The following PRKCA variants were observed in gnomAD, a reference collection of about 807,000 sequenced individuals.
PRKCA encodes protein kinase C alpha type.
Under a neutral mutation model 87.0 loss-of-function variants are expected in PRKCA, and 27 were observed. That is an observed-to-expected ratio of 0.31 (90% CI 0.23 to 0.43). The LOEUF (loss-of-function observed/expected upper bound fraction) is 0.43. Among genes scored for constraint, PRKCA ranks in the 20% least tolerant of loss-of-function variants. The pLI, the probability that PRKCA is intolerant of heterozygous loss-of-function variation, is 1.00. For synonymous variants in PRKCA, 329 were observed against 311.1 expected (o/e 1.06, Z -0.61); for missense variants, 518 against 852.3 (o/e 0.61, Z 4.88).
At position 66,638,250 on chromosome 17, in the gene PRKCA, C is replaced by G. The variant is rs761713607; in HGVS notation, c.289-3105C>G. ...AAAAGCTCTTGTGATGGGAATCCAA[C>G]GTTGGTCACATCGTAGGTCTGTGCT... On this transcript the variant is annotated intron_variant, in intron 3 of 16. Coordinates refer to ENST00000413366, the MANE Select transcript of PRKCA (RefSeq NM_002737.3). 31 of 151,756 alleles carry G rather than the reference C, an allele frequency of 2.0e-4. 1 individual carries two copies. Among genetic ancestry groups the G allele is most frequent in the Non-Finnish European group, 2.1e-4 (14 of 67,946 alleles). 9.4% of individuals were successfully genotyped at this position (151,756 alleles called of 1,614,324 possible).
At chr17:66,652,608 C>T (rs910614502) in intron 5 of PRKCA, among the ~76,000 whole-genome samples, 2 of 152,066 alleles carry the variant, frequency 1.3e-5, no homozygotes, top group African/African-American at 4.8e-5. Flanking sequence ...TGTGTGCAGG[C>T]AAGAGCACCT....
intron 2 of PRKCA, among the ~76,000 whole-genome samples, chr17:66,411,999 ATCTT>A: frequency 7.1e-6 from 1 of 140,900 alleles, no homozygotes; most frequent in Non-Finnish European, 1.5e-5. Flanking sequence ...AGGAAAAAAA[ATCTT>A]TTTTTTTTTT....
chr17:66,369,459 C>T (rs1041133459), intron 2 of PRKCA, among the ~76,000 whole-genome samples: 3 of 152,150 alleles, frequency 2.0e-5, no homozygotes, highest in Non-Finnish European at 4.4e-5. Flanking sequence ...TCTTCCTGTC[C>T]TCTTATTAAA....
At chr17:66,451,235 C>T (rs1914294061) in intron 2 of PRKCA, among the ~76,000 whole-genome samples, 1 of 152,168 alleles carries the variant, frequency 6.6e-6, no homozygotes, top group Admixed American at 6.6e-5. Context: ...CCTCTTAAAA[C>T]TTAAACTGTG....
chr17:66,395,406 G>C (rs1910606560), intron 2 of PRKCA, among the ~76,000 whole-genome samples: 1 of 152,106 alleles, frequency 6.6e-6, no homozygotes, highest in Admixed American at 6.5e-5. Flanking sequence ...AAATAATTGA[G>C]ATATTTTGCA....
chr17:66,781,886 T>TATATATATATAG (rs1975233272), intron 14 of PRKCA, among the ~76,000 whole-genome samples: 1 of 121,794 alleles, frequency 8.2e-6, no homozygotes, highest in African/African-American at 3.6e-5. Context: ...TATATATATA[T>TATATATATATAG]AGTGTGTGTG....
intron 2 of PRKCA, among the ~76,000 whole-genome samples, chr17:66,352,717 C>A (rs1483893537): frequency 6.6e-6 from 1 of 151,806 alleles, no homozygotes; most frequent in Admixed American, 6.6e-5. Context: ...GTGCGTGCCA[C>A]CACACTCAGC....
intron 16 of PRKCA, among the ~76,000 whole-genome samples, chr17:66,795,779 C>G (rs775468762): frequency 1.3e-5 from 2 of 152,168 alleles, no homozygotes; most frequent in Non-Finnish European, 2.9e-5. Context: ...AGCTTTAAAT[C>G]CTCTAAATCT....
chr17:66,321,677 G>T (rs968785491), intron 2 of PRKCA, among the ~76,000 whole-genome samples: 29 of 152,120 alleles, frequency 1.9e-4, no homozygotes, highest in Admixed American at 1.9e-3. Context: ...CCAAGTAGCT[G>T]GGATTACAGG....
rs182650587 is a variant in PRKCA, at chr17:66,764,075, A to T, written c.1525-9912A>T. ...GCCAAAGCCGATGACCAGGGTTCTA[A>T]TCCAAGCGTTGCTGCTTGCAAGCTC... On this transcript the variant is annotated intron_variant, in intron 13 of 16. Transcript: ENST00000413366. 3.5e-4 allele frequency among the ~76,000 whole-genome samples: 54 copies of T among 152,314 alleles called. No individual in the cohort carries two copies. The East Asian group carries it at 5.4e-3, about 15-fold the overall frequency.
chr17:66,360,075 G>C (rs1908298245), intron 2 of PRKCA, among the ~76,000 whole-genome samples: 1 of 152,124 alleles, frequency 6.6e-6, no homozygotes, highest in South Asian at 2.1e-4. Context: ...TGTAGAATTA[G>C]GAATATTCAT....
chr17:66,783,038 G>A (rs1023776173), intron 14 of PRKCA, among the ~76,000 whole-genome samples: 3 of 152,194 alleles, frequency 2.0e-5, no homozygotes, highest in Non-Finnish European at 2.9e-5. Context: ...CTGCCTTATT[G>A]GGTAACATAG....
In PRKCA at chr17:66,735,667, G is replaced by T; in HGVS notation, c.1230+5G>T. The stretch of plus-strand genomic sequence containing the variant: ...CACTCCTGCTTCCAGACAGTGGTAA[G>T]GACCCTGGGAATCCCTGCGATGCAG... On this transcript the variant is annotated splice_donor_5th_base_variant and intron_variant, in intron 10 of 16. Transcript: ENST00000413366. 6.2e-7 allele frequency: 1 copy of T among 1,613,038 alleles called. No individual in the cohort carries two copies. The highest frequency in any genetic ancestry group is 8.5e-7 in the Non-Finnish European group (1 of 1,179,394).
intron 8 of PRKCA, among the ~76,000 whole-genome samples, chr17:66,698,984 AAG>A (rs1369749328): frequency 6.7e-6 from 1 of 149,754 alleles, no homozygotes; most frequent in African/African-American, 2.5e-5. Flanking sequence ...TCTTAAAAAA[AAG>A]AAAAAAAAAA....
At chr17:66,338,341 T>C (rs1906835260) in intron 2 of PRKCA, among the ~76,000 whole-genome samples, 1 of 152,066 alleles carries the variant, frequency 6.6e-6, no homozygotes, top group Non-Finnish European at 1.5e-5. Context: ...CTCTTTTGAC[T>C]TACTGTGCAA....
At chr17:66,488,148 C>T (rs1044313047) in intron 2 of PRKCA, among the ~76,000 whole-genome samples, 1 of 152,118 alleles carries the variant, frequency 6.6e-6, no homozygotes, top group Non-Finnish European at 1.5e-5. Flanking sequence ...GCCCCTTGGT[C>T]TTCTCTGTTC....
chr17:66,729,780 C>CTTTT (rs60247180), intron 8 of PRKCA, among the ~76,000 whole-genome samples: 4,916 of 105,032 alleles, frequency 0.047, 558 homozygotes, highest in African/African-American at 0.14. Flanking sequence ...GCGAGTTATT[C>CTTTT]TTTTTTTTTT....
intron 8 of PRKCA, among the ~76,000 whole-genome samples, chr17:66,721,254 A>G (rs1973607687): frequency 6.6e-6 from 1 of 151,940 alleles, no homozygotes; most frequent in African/African-American, 2.4e-5. Context: ...AAAATTAGCC[A>G]GGCATGGTGG....
chr17:66,715,358 T>C (rs1295023375), intron 8 of PRKCA, among the ~76,000 whole-genome samples: 2 of 152,212 alleles, frequency 1.3e-5, no homozygotes, highest in African/African-American at 4.8e-5. Flanking sequence ...GGCTTTTTCA[T>C]TGAACTCTGC....
Sources: gnomAD v4.1 joint callset for allele counts (sites outside exome capture counted in the v4.1 genomes callset) on GRCh38, gnomAD v4.1.1 for gene constraint, MANE v1.5 for transcripts, NCBI Gene and HGNC (gene_info 2026-07-23, HGNC 2026-07-21) for gene names.